The following MGAT4C variants were observed in gnomAD, a reference collection of about 807,000 sequenced individuals.
MGAT4C encodes alpha-1,3-mannosyl-glycoprotein 4-beta-N-acetylglucosaminyltransferase C.
MGAT4C carries 19 observed loss-of-function variants against 40.1 expected under a neutral mutation model. That is an observed-to-expected ratio of 0.47 (90% confidence interval 0.33 to 0.70). The LOEUF (loss-of-function observed/expected upper bound fraction) is 0.70. MGAT4C is among the 30% of genes least tolerant of loss of function. MGAT4C has a pLI of 0.02. For missense variants in MGAT4C, 491 were observed against 563.2 expected, an observed-to-expected ratio of 0.87 and a Z score of 1.30; for synonymous variants, 181 against 187.1, an observed-to-expected ratio of 0.97 and a Z score of 0.27.
chr12:86,507,762 A>G (rs1165641230), intron 2 of MGAT4C, among the ~76,000 whole-genome samples: 1 of 152,206 alleles, frequency 6.6e-6, no homozygotes, highest in Non-Finnish European at 1.5e-5. Context: ...ATCTTTGAGC[A>G]AAACAGCTAA....
intron 1 of MGAT4C, among the ~76,000 whole-genome samples, chr12:86,174,566 A>C (rs1182400536): frequency 6.6e-6 from 1 of 152,110 alleles, no homozygotes; most frequent in Non-Finnish European, 1.5e-5. Context: ...TTGAAATCCA[A>C]GCATTATTTA....
chr12:86,450,873 C>A (rs760048721), intron 2 of MGAT4C, among the ~76,000 whole-genome samples: 1 of 152,032 alleles, frequency 6.6e-6, no homozygotes, highest in Non-Finnish European at 1.5e-5. Context: ...CACATGTATA[C>A]ATTTATGTAT....
chr12:86,397,704 T>C (rs2136233643), intron 3 of MGAT4C, among the ~76,000 whole-genome samples: 2 of 152,290 alleles, frequency 1.3e-5, no homozygotes, highest in South Asian at 2.1e-4. Context: ...CTCACACCTG[T>C]AATCCCAGCA....
At position 85,965,338 on chromosome 12, in the gene MGAT4C, A is replaced by G. The variant is rs1592575278; in HGVS notation, c.*13951T>C. On this transcript the variant is annotated 3_prime_UTR_variant, in exon 5 of 5. Coordinates refer to ENST00000611864, the MANE Select transcript of MGAT4C (RefSeq NM_001351288.2). Reference sequence around the variant, plus strand: ...CTGGGCCCGGCGCGGTGGCTCACGCATGTAATCCCAGCACTTTGTGAGGCC... The same window carrying G: ...CTGGGCCCGGCGCGGTGGCTCACGCGTGTAATCCCAGCACTTTGTGAGGCC... The G allele has an allele frequency of 6.6e-6, 1 of 151,930 alleles. No homozygotes were observed. The highest frequency in any genetic ancestry group is 1.5e-5 in the Non-Finnish European group (1 of 67,964). The allele number at this position is 151,930 out of a possible 1,614,324, so 9.4% of individuals were successfully genotyped here.
chr12:86,160,757 A>G (rs929329897), intron 1 of MGAT4C, among the ~76,000 whole-genome samples: 1 of 152,056 alleles, frequency 6.6e-6, no homozygotes, highest in Non-Finnish European at 1.5e-5. Context: ...GGGTGCTCCA[A>G]TGTTGGATGC....
At chr12:86,515,836 G>A (rs1381983990) in intron 2 of MGAT4C, among the ~76,000 whole-genome samples, 2 of 149,580 alleles carry the variant, frequency 1.3e-5, no homozygotes, top group African/African-American at 4.9e-5. Flanking sequence ...TCCGCCTCCC[G>A]GGTTCATACC....
Position 86,395,799 on chromosome 12 carries a change from T to C in MGAT4C, c.-120+39358A>G, listed in dbSNP as rs181655300. Among the ~76,000 whole-genome samples the C allele has an allele frequency of 2.3e-3, 353 of 152,302 alleles. 1 individual carries two copies. The highest frequency in any genetic ancestry group is 0.017 in the Middle Eastern group (5 of 294). Reference sequence around the variant, plus strand: ...TCATCTATTTTTTTGTGTGTGCTTGTTGGCAGTGATACATTGTATGGATGT... The same window carrying C: ...TCATCTATTTTTTTGTGTGTGCTTGCTGGCAGTGATACATTGTATGGATGT... On this transcript the variant is annotated intron_variant, in intron 3 of 7. Transcript: ENST00000548651.
chr12:86,271,703 T>C (rs761841517), intron 4 of MGAT4C, among the ~76,000 whole-genome samples: 1 of 152,216 alleles, frequency 6.6e-6, no homozygotes, highest in Non-Finnish European at 1.5e-5. Context: ...TGCACTTGCA[T>C]GTTTATTGCA....
chr12:86,561,117 A>G (rs1465052150), intron 2 of MGAT4C, among the ~76,000 whole-genome samples: 1 of 152,236 alleles, frequency 6.6e-6, no homozygotes, highest in Non-Finnish European at 1.5e-5. Context: ...CCTCATGCTC[A>G]TGAACTGGAA....
intron 1 of MGAT4C, among the ~76,000 whole-genome samples, chr12:86,734,797 T>C (rs1424119385): frequency 6.6e-6 from 1 of 152,068 alleles, no homozygotes; most frequent in Admixed American, 6.6e-5. Flanking sequence ...TATTCTATTA[T>C]ACAGTAGCCT....
At chr12:86,124,475 A>G (rs1879932134) in intron 1 of MGAT4C, among the ~76,000 whole-genome samples, 1 of 152,146 alleles carries the variant, frequency 6.6e-6, no homozygotes, top group South Asian at 2.1e-4. Flanking sequence ...AAATATTGGG[A>G]AAAGTGTAAA....
At chr12:86,776,227 GAAAA>G (rs963060994) in intron 1 of MGAT4C, among the ~76,000 whole-genome samples, 1 of 151,940 alleles carries the variant, frequency 6.6e-6, no homozygotes, top group Non-Finnish European at 1.5e-5. Context: ...AGGACACTTT[GAAAA>G]AGAGTCTGTT....
intron 1 of MGAT4C, among the ~76,000 whole-genome samples, chr12:86,056,951 AAAGTT>A (rs79237412): frequency 0.56 from 84,605 of 151,214 alleles, 24,339 homozygotes; most frequent in East Asian, 0.92. Flanking sequence ...ATAAAAATTT[AAAGTT>A]AAGTAGGAAA....
intron 2 of MGAT4C, among the ~76,000 whole-genome samples, chr12:86,556,240 T>A (rs1959604713): frequency 1.3e-5 from 2 of 152,344 alleles, no homozygotes; most frequent in South Asian, 4.1e-4. Flanking sequence ...GTATAGTATT[T>A]TTTAATGAAG....
At position 86,653,164 on chromosome 12, in the gene MGAT4C, T is replaced by G. The variant is rs960064825; in HGVS notation, c.-229+74045A>C. On this transcript the variant is annotated intron_variant, in intron 2 of 7. Coordinates refer to the MGAT4C transcript ENST00000548651. ...AATTTTGTCATTTGCAATATAATTA[T>G]ATTCATTTGTATCATTGAGTTTTCA... Among the ~76,000 whole-genome samples, 4 of 152,080 alleles carry G rather than the reference T, an allele frequency of 2.6e-5. No individual in the cohort carries two copies. In the South Asian group the frequency reaches 8.3e-4, roughly 32 times the overall value.
chr12:86,801,513 G>T (rs1290065678), intron 1 of MGAT4C, among the ~76,000 whole-genome samples: 2 of 151,774 alleles, frequency 1.3e-5, no homozygotes, highest in African/African-American at 4.8e-5. Context: ...TGAGTTTGTT[G>T]AAGGCAGGTA....
At position 85,976,764 on chromosome 12, in the gene MGAT4C, C is replaced by T. The variant is rs1399131212; in HGVS notation, c.*2525G>A. The T allele has an allele frequency of 6.8e-6, 1 of 147,916 alleles. No homozygotes were observed. Among genetic ancestry groups the T allele is most frequent in the Non-Finnish European group, 1.5e-5 (1 of 66,700 alleles). The allele number at this position is 147,916 out of a possible 1,614,324, so 9.2% of individuals were successfully genotyped here. ...GCAAATAGTTTGAGTATAGTTAAACCTAATAACTGTACTTTTGTTTCTATG... is the reference window on the plus strand; with the variant it reads ...GCAAATAGTTTGAGTATAGTTAAACTTAATAACTGTACTTTTGTTTCTATG... On this transcript the variant is annotated 3_prime_UTR_variant, in exon 5 of 5. Coordinates refer to ENST00000611864, the MANE Select transcript of MGAT4C (RefSeq NM_001351288.2).
intron 2 of MGAT4C, among the ~76,000 whole-genome samples, chr12:86,515,453 C>T (rs968547452): frequency 2.0e-5 from 3 of 151,982 alleles, no homozygotes; most frequent in Non-Finnish European, 2.9e-5. Context: ...ACAAAATCAA[C>T]TTACAGAAAT....
intron 1 of MGAT4C, among the ~76,000 whole-genome samples, chr12:86,796,051 T>C (rs1349920428): frequency 6.6e-6 from 1 of 151,988 alleles, no homozygotes; most frequent in Non-Finnish European, 1.5e-5. Flanking sequence ...TTTGCTGAGC[T>C]GAACCTAAGC....
Sources: gnomAD v4.1 joint callset for allele counts (sites outside exome capture counted in the v4.1 genomes callset) on GRCh38, gnomAD v4.1.1 for gene constraint, MANE v1.5 for transcripts, NCBI Gene and HGNC (gene_info 2026-07-23, HGNC 2026-07-21) for gene names.